Variants in NRXN3 observed in about 807,000 individuals in gnomAD.
The protein encoded by NRXN3 is neurexin 3.
A neutral mutation model predicts 137.6 loss-of-function variants in NRXN3; 32 were observed. That is an observed-to-expected ratio of 0.23 (90% CI 0.18 to 0.31). The LOEUF (loss-of-function observed/expected upper bound fraction) is 0.31. NRXN3 is among the 10% of genes least tolerant of loss of function. NRXN3 has a pLI of 1.00. For synonymous variants in NRXN3, 798 were observed against 784.5 expected (o/e 1.02, Z -0.29); for missense variants, 1,574 against 2,062.5 (o/e 0.76, Z 4.59).
intron 4 of NRXN3, among the ~76,000 whole-genome samples, chr14:78,530,048 A>G (rs1411201755): frequency 2.0e-5 from 3 of 152,222 alleles, no homozygotes; most frequent in Non-Finnish European, 4.4e-5. Flanking sequence ...TAAAATTCAC[A>G]TAGGAATTTT....
chr14:78,792,689 T>C (rs2098809312), intron 8 of NRXN3, among the ~76,000 whole-genome samples: 1 of 152,316 alleles, frequency 6.6e-6, no homozygotes, highest in Non-Finnish European at 1.5e-5. Flanking sequence ...TTAAGGCATA[T>C]AAGCAAAATT....
intron 15 of NRXN3, among the ~76,000 whole-genome samples, chr14:79,286,902 T>TAGTTAACC (rs2082358563): frequency 2.0e-5 from 3 of 152,166 alleles, no homozygotes; most frequent in Non-Finnish European, 2.9e-5. Context: ...GCAATAATAA[T>TAGTTAACC]AGTTAACCAT....
chr14:79,467,131 A>G lies in NRXN3; in HGVS notation c.3263-90A>G. ...CCCATGGGGGACATTTCCTCTCTGCAGCTGTTCTGTGTAGGGTCTCAACAG... is the reference window on the plus strand; with the variant it reads ...CCCATGGGGGACATTTCCTCTCTGCGGCTGTTCTGTGTAGGGTCTCAACAG... On this transcript the variant is annotated intron_variant, in intron 15 of 20. Transcript: ENST00000335750. The G allele has an allele frequency of 1.6e-6, 2 of 1,261,100 alleles. 1 individual carries two copies. 78.1% of individuals were successfully genotyped at this position (1,261,100 alleles called of 1,614,324 possible).
chr14:79,358,886 T>A (rs1261922767), intron 15 of NRXN3, among the ~76,000 whole-genome samples: 1 of 152,080 alleles, frequency 6.6e-6, no homozygotes, highest in Non-Finnish European at 1.5e-5. Context: ...AGAGAAAAAA[T>A]TATGTTGTTA....
chr14:79,087,977 G>C (rs1207631777), intron 15 of NRXN3, among the ~76,000 whole-genome samples: 1 of 139,978 alleles, frequency 7.1e-6, no homozygotes, highest in Non-Finnish European at 1.5e-5. Context: ...CCAGTATTTG[G>C]ATGAGTTGGA....
chr14:78,491,439 G>A (rs1044610202), intron 4 of NRXN3, among the ~76,000 whole-genome samples: 4 of 152,138 alleles, frequency 2.6e-5, no homozygotes, highest in African/African-American at 9.7e-5. Context: ...GAGGCAGAGA[G>A]GAAGGAAGAT....
Position 79,483,333 on chromosome 14 carries a change from T to G in NRXN3, c.3444+15931T>G, listed in dbSNP as rs375538334. The stretch of plus-strand genomic sequence containing the variant: ...GAATAAAAAACACCACATTACATAA[T>G]GGATATAAGAGAACATAGACGGCAT... On this transcript the variant is annotated intron_variant, in intron 16 of 20. Coordinates refer to ENST00000335750, the MANE Select transcript of NRXN3 (RefSeq NM_001330195.2). 1.5e-4 allele frequency among the ~76,000 whole-genome samples: 23 copies of G among 152,306 alleles called. 1 individual carries two copies. The East Asian group carries it at 2.9e-3, about 19-fold the overall frequency.
chr14:79,318,274 C>T (rs2089295420), intron 15 of NRXN3, among the ~76,000 whole-genome samples: 1 of 152,236 alleles, frequency 6.6e-6, no homozygotes, highest in Non-Finnish European at 1.5e-5. Flanking sequence ...CATGTCAGAT[C>T]ATCAGCACAG....
At chr14:78,242,241 C>T (rs1228578810) in intron 1 of NRXN3, 150 bp from the exon 2 acceptor site, 1 of 152,196 alleles carries the variant, frequency 6.6e-6, no homozygotes, top group East Asian at 1.9e-4. Context: ...CACGGCCTCC[C>T]TCCTGTTTGA....
chr14:79,428,824 A>G (rs1324616028), intron 15 of NRXN3, among the ~76,000 whole-genome samples: 1 of 152,196 alleles, frequency 6.6e-6, no homozygotes, highest in Non-Finnish European at 1.5e-5. Flanking sequence ...AGATTCTATA[A>G]AATCCTGTAT....
chr14:78,540,087 A>T (rs2096574183), intron 4 of NRXN3, among the ~76,000 whole-genome samples: 1 of 152,166 alleles, frequency 6.6e-6, no homozygotes. Context: ...TATTCTGTTG[A>T]TGTGGGGTGG....
chr14:78,172,062 C>G (rs1423566941), intron 1 of NRXN3, among the ~76,000 whole-genome samples: 1 of 152,076 alleles, frequency 6.6e-6, no homozygotes, highest in African/African-American at 2.4e-5. Flanking sequence ...TACAAGCCAC[C>G]CCAACATTCT....
chr14:79,633,522 A>G (rs1165782434), intron 16 of NRXN3, among the ~76,000 whole-genome samples: 1 of 152,232 alleles, frequency 6.6e-6, no homozygotes, highest in African/African-American at 2.4e-5. Context: ...CCTCTGTAAC[A>G]TCTAGCTGTT....
chr14:78,560,054 G>A (rs1187421156), intron 4 of NRXN3, among the ~76,000 whole-genome samples: 1 of 152,208 alleles, frequency 6.6e-6, no homozygotes, highest in Non-Finnish European at 1.5e-5. Context: ...ATCTCTCGAA[G>A]GTCCTGCCTG....
chr14:78,983,425 A>C (rs2099494523), intron 14 of NRXN3, among the ~76,000 whole-genome samples: 2 of 152,218 alleles, frequency 1.3e-5, no homozygotes, highest in Non-Finnish European at 2.9e-5. Context: ...ATGGATAAAG[A>C]AAATGTGGTA....
At chr14:78,230,247 A>C (rs1258905478) in intron 1 of NRXN3, among the ~76,000 whole-genome samples, 3 of 151,590 alleles carry the variant, frequency 2.0e-5, no homozygotes, top group Non-Finnish European at 4.4e-5. Flanking sequence ...CTGGTCTCAA[A>C]CTCCTGAGCT....
At chr14:79,830,361 T>G (rs371624734) in intron 20 of NRXN3, among the ~76,000 whole-genome samples, 2 of 152,306 alleles carry the variant, frequency 1.3e-5, no homozygotes, top group African/African-American at 4.8e-5. Context: ...TGACTCTGGA[T>G]AGTGAACAAA....
At chr14:79,687,234 T>C (rs997692804) in intron 17 of NRXN3, among the ~76,000 whole-genome samples, 3 of 152,202 alleles carry the variant, frequency 2.0e-5, no homozygotes, top group African/African-American at 7.2e-5. Flanking sequence ...CATCTATCAC[T>C]TACAAGTGGC....
intron 4 of NRXN3, among the ~76,000 whole-genome samples, chr14:78,321,424 G>GT (rs1280259903): frequency 5.3e-5 from 8 of 151,942 alleles, no homozygotes; most frequent in African/African-American, 1.5e-4. Flanking sequence ...TCCTATTTCT[G>GT]TTTTTTTCTG....
Sources: allele counts gnomAD v4.1 joint callset (sites outside exome capture counted in the v4.1 genomes callset), GRCh38; gene constraint gnomAD v4.1.1; transcripts MANE v1.5; gene names NCBI Gene and HGNC (gene_info 2026-07-23, HGNC 2026-07-21).